SMIM23: variants seen among roughly 807,000 people sequenced by gnomAD.
The protein encoded by SMIM23 is CTB-78H18.1.
A neutral mutation model predicts 12.8 loss-of-function variants in SMIM23; 10 were observed. That is an observed-to-expected ratio of 0.78 (90% CI 0.48 to 1.32). The LOEUF (loss-of-function observed/expected upper bound fraction) is 1.32. Among genes scored for constraint, SMIM23 ranks in the 40% most tolerant of loss-of-function variants. The pLI is 0.00. For missense variants in SMIM23, 184 were observed against 198.2 expected (o/e 0.93, Z 0.43); for synonymous variants, 78 against 80.1 (o/e 0.97, Z 0.14).
At chr5:171,784,699 G>A (rs1755783839), upstream of SMIM23, among the ~76,000 whole-genome samples, 1 of 152,112 alleles carries the variant, frequency 6.6e-6, no homozygotes, top group Non-Finnish European at 1.5e-5. Flanking sequence ...CCAGACAAAT[G>A]AAACTTACGT....
chr5:171,776,649 G>A, the SMIM23 span, among the ~76,000 whole-genome samples: 1 of 152,164 alleles, frequency 6.6e-6, no homozygotes, highest in African/African-American at 2.4e-5. Context: ...TACAGAGCAT[G>A]CTTACTCCTC....
upstream of SMIM23, among the ~76,000 whole-genome samples, chr5:171,779,754 TGAG>T (rs1345802874): frequency 6.7e-6 from 1 of 148,296 alleles, no homozygotes; most frequent in African/African-American, 2.5e-5. Context: ...CTTGGAGAAG[TGAG>T]GAGGAGAAAA....
chr5:171,785,374 A>G (rs1755794871), upstream of SMIM23, among the ~76,000 whole-genome samples: 1 of 148,716 alleles, frequency 6.7e-6, no homozygotes, highest in African/African-American at 2.5e-5. Context: ...ATCTCCATAC[A>G]TTTTTCAATT....
In SMIM23 at chr5:171,786,705, G is replaced by A. The variant is rs112108182; in HGVS notation, c.105+729G>A. ...CATTAATTTACTATACATGCACCGA[G>A]CGCCTTCTATATGCTGGACCTTGTA... On this transcript the variant is annotated intron_variant, in intron 1 of 3. Coordinates refer to ENST00000523047, the MANE Select transcript of SMIM23 (RefSeq NM_001289970.2). Among the ~76,000 whole-genome samples the A allele has an allele frequency of 3.3e-5, 5 of 152,244 alleles. 1 individual carries two copies. The highest frequency in any genetic ancestry group is 1.9e-4 in the East Asian group (1 of 5,184).
upstream of SMIM23, among the ~76,000 whole-genome samples, chr5:171,777,577 C>G (rs1033619115): frequency 5.3e-5 from 8 of 152,224 alleles, no homozygotes; most frequent in African/African-American, 1.9e-4. Flanking sequence ...GAGAACAGAA[C>G]CTGGAGGCAG....
chr5:171,790,305 A>G (rs1755898223), intron 2 of SMIM23, 24 bp downstream of exon 2: 1 of 1,535,900 alleles, frequency 6.5e-7, no homozygotes. Flanking sequence ...AATCTGAGAA[A>G]GAAGGAACCA....
At chr5:171,784,525 G>A (rs1338784375), upstream of SMIM23, among the ~76,000 whole-genome samples, 2 of 137,734 alleles carry the variant, frequency 1.5e-5, no homozygotes, top group African/African-American at 5.2e-5. Flanking sequence ...AGAACAAATA[G>A]TGTAAACAGA....
In SMIM23 at chr5:171,790,919, T is replaced by C. The variant is rs1177214120; in HGVS notation, c.350T>C (p.Leu117Pro). The change falls in exon 4 of 4, where the codon CTA becomes CCA. Residue 117 changes from leucine (L) to proline (P), a missense_variant. Leu to Pro is a moderately conservative substitution (Grantham distance 98, BLOSUM62 -3). Transcript: ENST00000523047. ...LEEEVQQLEQ[L>P]AWDLELWLDA... ...GAAGAGGTGCAGCAGCTGGAGCAGCTAGCGTGGGACCTGGAACTGTGGCTG... is the reference window on the plus strand; with the variant it reads ...GAAGAGGTGCAGCAGCTGGAGCAGCCAGCGTGGGACCTGGAACTGTGGCTG... 2 of 1,535,984 alleles carry C rather than the reference T, an allele frequency of 1.3e-6. No homozygotes were observed. The highest frequency in any genetic ancestry group is 1.7e-6 in the Non-Finnish European group (2 of 1,146,910).
At chr5:171,785,075 A>G (rs1755789912), upstream of SMIM23, among the ~76,000 whole-genome samples, 1 of 152,218 alleles carries the variant, frequency 6.6e-6, no homozygotes, top group South Asian at 2.1e-4. Context: ...AAGCAGCACA[A>G]AGCCCCTTGT....
upstream of SMIM23, among the ~76,000 whole-genome samples, chr5:171,777,700 G>A (rs1029723141): frequency 1.3e-5 from 2 of 152,202 alleles, no homozygotes; most frequent in Non-Finnish European, 2.9e-5. Flanking sequence ...CCGAGAGCTC[G>A]GACATCCCCC....
At chr5:171,779,624 A>T (rs549290749), upstream of SMIM23, among the ~76,000 whole-genome samples, 12 of 152,306 alleles carry the variant, frequency 7.9e-5, no homozygotes, top group South Asian at 2.5e-3. Flanking sequence ...ACTCCTGTAC[A>T]GGCTTGCCAA....
Position 171,790,845 on chromosome 5 carries a change from C to T in SMIM23, c.276C>T (p.Ile92=). The change falls in exon 4 of 4, where the codon ATC becomes ATT. Residue 92 remains isoleucine, a synonymous_variant. Coordinates refer to ENST00000523047, the MANE Select transcript of SMIM23 (RefSeq NM_001289970.2). ...CCTCAGAAGAACCGATAAAGACCAT[C>T]AGGAACTGGCTGAAGGAGAAGTTGC... ...NEPSEEPIKT[I]RNWLKEKLHV... 5 of 1,536,112 alleles carry T rather than the reference C, an allele frequency of 3.3e-6. No individual in the cohort carries two copies. Among genetic ancestry groups the T allele is most frequent in the South Asian group, 1.2e-5 (1 of 84,060 alleles).
chr5:171,780,618 T>C (rs115746791), upstream of SMIM23, among the ~76,000 whole-genome samples: 268 of 152,344 alleles, frequency 1.8e-3, 1 homozygote, highest in Non-Finnish European at 2.8e-3. Flanking sequence ...GTGCCATAAT[T>C]AGCTTAATGA....
In SMIM23 at chr5:171,787,004, CTTTTTTTTTTTTTT is replaced by C. The variant is rs202159150; in HGVS notation, c.105+1047_105+1060del. Among the ~76,000 whole-genome samples the C allele has an allele frequency of 1.4e-4, 10 of 71,292 alleles. No homozygotes were observed. The South Asian group carries it at 1.6e-3, about 12-fold the overall frequency. 46.8% of individuals were successfully genotyped at this position (71,292 alleles called of 152,430 possible). ...GATTCTACCAGAGTCCCATTGTTTC[CTTTTTTTTTTTTTT>C]TTTTTTTTTTTTTTTTTTCTGAGAC... On this transcript the variant is annotated intron_variant, in intron 1 of 3. Transcript: ENST00000523047.
the SMIM23 span, among the ~76,000 whole-genome samples, chr5:171,774,183 C>G: frequency 6.6e-6 from 1 of 152,298 alleles, no homozygotes; most frequent in East Asian, 1.9e-4. Flanking sequence ...TGTCCTAACA[C>G]CTGGTTGTTG....
At chr5:171,788,862 C>G (rs965537048) in intron 1 of SMIM23, among the ~76,000 whole-genome samples, 6 of 152,168 alleles carry the variant, frequency 3.9e-5, no homozygotes, top group African/African-American at 1.2e-4. Context: ...TTTTTTGAGA[C>G]AGATTCTTGC....
At chr5:171,787,097 G>A (rs961828006) in intron 1 of SMIM23, among the ~76,000 whole-genome samples, 1 of 131,776 alleles carries the variant, frequency 7.6e-6, no homozygotes, top group African/African-American at 2.9e-5. Flanking sequence ...TTGGCTCACT[G>A]CAACCTCCTC....
the SMIM23 span, among the ~76,000 whole-genome samples, chr5:171,777,291 A>C: frequency 6.6e-5 from 10 of 152,248 alleles, no homozygotes; most frequent in Non-Finnish European, 1.3e-4. Context: ...GTCGAAGTAC[A>C]GTAAGTCTAG....
At chr5:171,782,055 T>C (rs153757), upstream of SMIM23, among the ~76,000 whole-genome samples, 74,624 of 151,808 alleles carry the variant, frequency 0.49, 19,152 homozygotes, top group African/African-American at 0.65. Context: ...CTTAGGTACC[T>C]TTCTAGGTTG....
Sources: gnomAD v4.1 joint callset for allele counts (sites outside exome capture counted in the v4.1 genomes callset) on GRCh38, gnomAD v4.1.1 for gene constraint, MANE v1.5 for transcripts, NCBI Gene and HGNC (gene_info 2026-07-23, HGNC 2026-07-21) for gene names.